TADA1: variants seen among roughly 807,000 people sequenced by gnomAD.
The protein encoded by TADA1 is transcriptional adapter 1.
In TADA1, 23 loss-of-function variants were observed where a neutral mutation model predicts 39.3. The observed-to-expected ratio is 0.58, with a 90% CI of 0.42 to 0.83. TADA1 has a LOEUF of 0.83. Ranked by LOEUF, TADA1 falls within the 40% of genes least tolerant of loss-of-function variation. The pLI is 0.00. For missense variants in TADA1, 352 were observed against 408.1 expected, an observed-to-expected ratio of 0.86 and a Z score of 1.18; for synonymous variants, 137 against 151.8, an observed-to-expected ratio of 0.90 and a Z score of 0.72.
At chr1:166,873,074 C>G (rs1489855023) in intron 1 of TADA1, among the ~76,000 whole-genome samples, 1 of 151,274 alleles carries the variant, frequency 6.6e-6, no homozygotes, top group Non-Finnish European at 1.5e-5. Flanking sequence ...AGTTCAAGAC[C>G]AGCCTGGCCA....
rs1402245764 is a variant in TADA1, at chr1:166,862,419, G to T, written c.331-7C>A. The T allele has an allele frequency of 5.0e-6, 8 of 1,612,904 alleles. No homozygotes were observed. The highest frequency in any genetic ancestry group is 5.9e-6 in the Non-Finnish European group (7 of 1,179,238). Reference sequence around the variant, plus strand: ...TTTGAGGCTGGAATCTATGCTATGAGTAAGAAAAACTTTTTAAAATTACTC... The same window carrying T: ...TTTGAGGCTGGAATCTATGCTATGATTAAGAAAAACTTTTTAAAATTACTC... On this transcript the variant is annotated splice_region_variant and splice_polypyrimidine_tract_variant and intron_variant, in intron 4 of 7. Coordinates refer to ENST00000367874, the MANE Select transcript of TADA1 (RefSeq NM_053053.4).
chr1:166,869,772 G>A lies in TADA1; in HGVS notation c.157C>T (p.Gln53Ter). 6.2e-7 allele frequency: 1 copy of A among 1,612,350 alleles called. No homozygotes were observed. The change falls in exon 2 of 8, where the codon CAG (glutamine) becomes TAG (stop). Residue 53 changes from glutamine to a stop codon, truncating the protein, a stop_gained. Transcript: ENST00000367874. LOFTEE classifies it high-confidence loss of function. ...CAGATAATTATTTTACCATTATCCT[G>A]TGTGAGAAGTCTATGAGCTTCAAGG... ...FDLEAHRLLT[Q>*]DNVHSHNDFL...
chr1:166,860,662 A>T (rs1053688931), intron 5 of TADA1, among the ~76,000 whole-genome samples: 1 of 152,162 alleles, frequency 6.6e-6, no homozygotes, highest in African/African-American at 2.4e-5. Context: ...GCTTTAAAAG[A>T]AGTACACAAA....
At chr1:166,867,860 G>A (rs1159330945) in intron 3 of TADA1, among the ~76,000 whole-genome samples, 4 of 152,152 alleles carry the variant, frequency 2.6e-5, no homozygotes, top group Admixed American at 6.5e-5. Flanking sequence ...GAATACAGGC[G>A]TGAGCCACCA....
rs558985168 is a variant in TADA1, at chr1:166,857,826, T to G, written c.856-107A>C. On this transcript the variant is annotated intron_variant, in intron 7 of 7. Transcript: ENST00000367874. ...AAACATACACACAATCTATAAACTT[T>G]CAGTCATACACTAAAATGAATCACC... 2.2e-4 allele frequency: 277 copies of G among 1,244,536 alleles called. 3 individuals carry two copies. The South Asian group carries it at 3.9e-3, about 17-fold the overall frequency. 77.1% of individuals were successfully genotyped at this position (1,244,536 alleles called of 1,614,324 possible).
intron 7 of TADA1, 27 bp downstream of exon 7, chr1:166,858,092 G>A: frequency 6.2e-7 from 1 of 1,612,988 alleles, no homozygotes; most frequent in South Asian, 1.1e-5. Context: ...CATAAACCTA[G>A]GTAAACTTTA....
intron 1 of TADA1, among the ~76,000 whole-genome samples, chr1:166,872,448 G>C (rs1658679088): frequency 1.3e-5 from 2 of 152,154 alleles, no homozygotes; most frequent in African/African-American, 4.8e-5. Context: ...AAGGCGGGCG[G>C]ATCACCTGAG....
chr1:166,868,858 G>A (rs1419298188), intron 3 of TADA1: 1 of 165,354 alleles, frequency 6.0e-6, no homozygotes, highest in East Asian at 1.8e-4. Context: ...GGTCCACGGG[G>A]GCTAGGACTT....
intron 2 of TADA1, 115 bp downstream of exon 2, chr1:166,869,648 G>A (rs1322353000): frequency 2.9e-6 from 4 of 1,392,858 alleles, no homozygotes; most frequent in Middle Eastern, 1.9e-4. Context: ...ACATTATTAA[G>A]ATAACCTTAT....
chr1:166,858,021 G>T, intron 7 of TADA1, 98 bp downstream of exon 7: 3 of 1,450,030 alleles, frequency 2.1e-6, no homozygotes, highest in African/African-American at 1.4e-5. Flanking sequence ...AAAACACAAA[G>T]CCAAGAAGTG....
chr1:166,861,196 TAG>T (rs1658405555), intron 5 of TADA1, among the ~76,000 whole-genome samples: 1 of 152,100 alleles, frequency 6.6e-6, no homozygotes, highest in Admixed American at 6.5e-5. Context: ...CCTGTGAAAA[TAG>T]AGTGACAGAA....
intron 1 of TADA1, among the ~76,000 whole-genome samples, chr1:166,873,357 T>G (rs971977390): frequency 3.3e-4 from 50 of 152,256 alleles, no homozygotes; most frequent in Admixed American, 1.3e-3. Flanking sequence ...GGCATTCTAC[T>G]GGCTACTATA....
In TADA1 at chr1:166,869,439, C is replaced by CCACTACA. The variant is rs1223637281; in HGVS notation, c.232+5_232+6insTGTAGTG. The CCACTACA allele has an allele frequency of 1.9e-6, 3 of 1,611,524 alleles. No homozygotes were observed. The Middle Eastern group carries it at 5.0e-4, about 266-fold the overall frequency. On this transcript the variant is annotated splice_donor_region_variant and intron_variant, in intron 3 of 7. Coordinates refer to ENST00000367874, the MANE Select transcript of TADA1 (RefSeq NM_053053.4). ...ACACACACTGGAAGTATTTCCACTC[C>CCACTACA]CTTACCTGGTGTAGAAACCAAAATC...
intron 1 of TADA1, among the ~76,000 whole-genome samples, chr1:166,870,073 C>T (rs1244552524): frequency 6.6e-6 from 1 of 152,090 alleles, no homozygotes; most frequent in South Asian, 2.1e-4. Context: ...GCTTCTTCCC[C>T]AAGTTCAGCA....
chr1:166,866,753 T>A (rs1352711325), intron 3 of TADA1, among the ~76,000 whole-genome samples: 1 of 151,764 alleles, frequency 6.6e-6, no homozygotes, highest in African/African-American at 2.4e-5. Context: ...TATTTTTATT[T>A]TTTTTTTTTG....
In TADA1 at chr1:166,856,823, C is replaced by T. The variant is rs986543146; in HGVS notation, c.*744G>A. 1.6e-4 allele frequency: 24 copies of T among 152,580 alleles called. No individual in the cohort carries two copies. The highest frequency in any genetic ancestry group is 5.1e-4 in the African/African-American group (21 of 41,448). 9.5% of individuals were successfully genotyped at this position (152,580 alleles called of 1,614,324 possible). A position where few individuals can be genotyped will look rare whatever the true frequency, so the allele number is the denominator to read the frequency against. On this transcript the variant is annotated 3_prime_UTR_variant, in exon 8 of 8. Coordinates refer to ENST00000367874, the MANE Select transcript of TADA1 (RefSeq NM_053053.4). Reference sequence around the variant, plus strand: ...CAATTTGTATAGATTTCTTAAAATACATTCTATAGGAATAATTAACCGAAG... The same window carrying T: ...CAATTTGTATAGATTTCTTAAAATATATTCTATAGGAATAATTAACCGAAG...
intron 3 of TADA1, among the ~76,000 whole-genome samples, chr1:166,868,054 T>C (rs1658574014): frequency 6.6e-6 from 1 of 152,214 alleles, no homozygotes; most frequent in Admixed American, 6.5e-5. Flanking sequence ...TAATGGTAAC[T>C]TTTGTAGTCT....
In TADA1 at chr1:166,856,916, T is replaced by C. The variant is rs758691938; in HGVS notation, c.*651A>G. On this transcript the variant is annotated 3_prime_UTR_variant, in exon 8 of 8. Transcript: ENST00000367874. ...AGTCATGGGAAGACATAAAGTTAAT[T>C]AATTGCATTACAAGAGTTTTGTTTT... is the stretch of plus-strand genomic sequence containing the variant. 6 of 152,270 alleles carry C rather than the reference T, an allele frequency of 3.9e-5. No homozygotes were observed. In the East Asian group the frequency reaches 9.6e-4, roughly 24 times the overall value. 9.4% of individuals were successfully genotyped at this position (152,270 alleles called of 1,614,324 possible).
intron 1 of TADA1, among the ~76,000 whole-genome samples, chr1:166,872,763 T>A (rs1264573022): frequency 2.0e-5 from 3 of 152,124 alleles, no homozygotes; most frequent in South Asian, 4.1e-4. Context: ...CAGAAGATGC[T>A]GGTGCCATGC....
Sources: gnomAD v4.1 joint callset for allele counts (sites outside exome capture counted in the v4.1 genomes callset) on GRCh38, gnomAD v4.1.1 for gene constraint, MANE v1.5 for transcripts, NCBI Gene and HGNC (gene_info 2026-07-23, HGNC 2026-07-21) for gene names.